Variants in MAST4 observed in about 807,000 individuals in gnomAD.
MAST4 encodes microtubule associated serine/threonine kinase family member 4.
MAST4 carries 89 observed loss-of-function variants against 162.7 expected under a neutral mutation model. That is an observed-to-expected ratio of 0.55 (90% confidence interval 0.46 to 0.65). The LOEUF is 0.65. Among genes scored for constraint, MAST4 ranks in the 30% least tolerant of loss-of-function variants. MAST4 has a pLI of 0.00. For synonymous variants in MAST4, 1,479 were observed against 1,361.1 expected (o/e 1.09, Z -1.91); for missense variants, 3,153 against 3,374.0 (o/e 0.93, Z 1.62).
At chr5:66,735,583 C>G (rs1752107640) in intron 1 of MAST4, among the ~76,000 whole-genome samples, 1 of 152,144 alleles carries the variant, frequency 6.6e-6, no homozygotes, top group Non-Finnish European at 1.5e-5. Context: ...GAGCAAGATA[C>G]ACTTATCCTA....
intron 4 of MAST4, among the ~76,000 whole-genome samples, chr5:66,918,954 T>A (rs188016458): frequency 7.2e-5 from 11 of 152,146 alleles, no homozygotes; most frequent in African/African-American, 2.7e-4. Context: ...AATACAAAAA[T>A]TAGCTGGGCA....
intron 4 of MAST4, among the ~76,000 whole-genome samples, chr5:67,033,547 AT>A (rs1755643929): frequency 6.6e-6 from 1 of 152,168 alleles, no homozygotes; most frequent in African/African-American, 2.4e-5. Flanking sequence ...GAAGCAGCAG[AT>A]TCAGAAGTAG....
intron 1 of MAST4, among the ~76,000 whole-genome samples, chr5:66,671,077 G>T (rs1747581901): frequency 6.6e-6 from 1 of 152,108 alleles, no homozygotes; most frequent in South Asian, 2.1e-4. Context: ...CCATTTCATA[G>T]TCTTGTTCAC....
intron 1 of MAST4, among the ~76,000 whole-genome samples, chr5:66,728,044 A>G (rs1751628429): frequency 1.3e-5 from 2 of 152,178 alleles, no homozygotes; most frequent in Admixed American, 6.5e-5. Context: ...GGATAATACC[A>G]TATACTGGGT....
intron 3 of MAST4, among the ~76,000 whole-genome samples, chr5:66,802,116 C>T (rs1373825984): frequency 8.5e-5 from 13 of 152,100 alleles, no homozygotes; most frequent in Non-Finnish European, 1.6e-4. Flanking sequence ...GGTTTATGAT[C>T]CTTAAAAATA....
At chr5:66,674,401 T>C (rs972539420) in intron 1 of MAST4, among the ~76,000 whole-genome samples, 1 of 152,216 alleles carries the variant, frequency 6.6e-6, no homozygotes, top group African/African-American at 2.4e-5. Flanking sequence ...CAAGGATACA[T>C]GACTACTACT....
chr5:67,029,953 T>C (rs1211768863), intron 4 of MAST4, among the ~76,000 whole-genome samples: 2 of 152,126 alleles, frequency 1.3e-5, no homozygotes, highest in East Asian at 3.8e-4. Context: ...ATATTATTTT[T>C]ATACATTTGA....
intron 4 of MAST4, among the ~76,000 whole-genome samples, chr5:66,907,587 C>CGT (rs59273615): frequency 0.03 from 4,359 of 143,978 alleles, 79 homozygotes; most frequent in Non-Finnish European, 0.04. Context: ...TAGGTTGATG[C>CGT]GTGTGTGTGT....
At chr5:67,132,833 A>G (rs1195695060) in intron 16 of MAST4, among the ~76,000 whole-genome samples, 1 of 152,178 alleles carries the variant, frequency 6.6e-6, no homozygotes, top group Non-Finnish European at 1.5e-5. Flanking sequence ...AGAGAAAAAA[A>G]TTCATCTGCA....
At chr5:66,939,748 T>G (rs1472891022) in intron 4 of MAST4, among the ~76,000 whole-genome samples, 2 of 146,444 alleles carry the variant, frequency 1.4e-5, no homozygotes, top group African/African-American at 5.1e-5. Flanking sequence ...TGGGTTTTTG[T>G]TTTTTTTTTT....
chr5:66,815,002 A>G (rs1756650696), intron 3 of MAST4, among the ~76,000 whole-genome samples: 1 of 152,184 alleles, frequency 6.6e-6, no homozygotes, highest in South Asian at 2.1e-4. Context: ...AAAATGGTGC[A>G]TACTTGAGCT....
chr5:66,939,728 G>C (rs1743157826), intron 4 of MAST4, among the ~76,000 whole-genome samples: 1 of 151,586 alleles, frequency 6.6e-6, no homozygotes, highest in African/African-American at 2.4e-5. Flanking sequence ...AGATACCTCA[G>C]AGATATTGCT....
intron 4 of MAST4, among the ~76,000 whole-genome samples, chr5:66,934,228 A>ATTTTATT (rs2150082090): frequency 6.6e-6 from 1 of 151,892 alleles, no homozygotes; most frequent in African/African-American, 2.4e-5. Context: ...ATTTTATTTT[A>ATTTTATT]TTTTATTTTA....
chr5:66,800,373 C>G (rs1755858213), intron 3 of MAST4, among the ~76,000 whole-genome samples: 1 of 152,150 alleles, frequency 6.6e-6, no homozygotes, highest in Admixed American at 6.5e-5. Context: ...TAGCAATGAA[C>G]AAGATCATGT....
rs1236722411 is a variant in MAST4, at chr5:67,165,523, G to A, written c.6344G>A (p.Gly2115Asp). ...LSSFPSLQKD[G>D]AKEPERKEQP... The stretch of plus-strand genomic sequence containing the variant: ...AGTTTCCCATCTTTGCAGAAAGATG[G>A]TGCCAAGGAACCTGAAAGGAAGGAG... Residue 2115 changes from glycine to aspartate, a missense_variant, in exon 29 of 29, where the codon GGT (glycine) becomes GAT (aspartate). Gly to Asp is a moderately conservative substitution (Grantham distance 94, BLOSUM62 -1). Around this residue, in one of 7 missense-constraint regions of MAST4, gnomAD observed 1,644 missense variants for 1,495.0 expected, o/e 1.10. Coordinates refer to ENST00000403625, the MANE Select transcript of MAST4 (RefSeq NM_001164664.2). 5 of 1,613,862 alleles carry A rather than the reference G, an allele frequency of 3.1e-6. No homozygotes were observed. The highest frequency in any genetic ancestry group is 2.2e-5 in the East Asian group (1 of 44,882).
At chr5:67,102,989 G>C (rs1452976798) in intron 9 of MAST4, among the ~76,000 whole-genome samples, 2 of 152,194 alleles carry the variant, frequency 1.3e-5, no homozygotes, top group African/African-American at 4.8e-5. Context: ...TCCGTTAGAA[G>C]CCTGTAGATT....
intron 3 of MAST4, among the ~76,000 whole-genome samples, chr5:66,802,862 G>A (rs1272774203): frequency 6.6e-6 from 1 of 152,138 alleles, no homozygotes; most frequent in Non-Finnish European, 1.5e-5. Context: ...TGACCACTGT[G>A]TAATTCTGCT....
At chr5:67,073,167 A>G (rs1761180312) in intron 5 of MAST4, among the ~76,000 whole-genome samples, 1 of 152,196 alleles carries the variant, frequency 6.6e-6, no homozygotes, top group Admixed American at 6.5e-5. Context: ...ATACCCTAGA[A>G]GAACACCCAG....
At chr5:66,678,634 A>G (rs1748115731) in intron 1 of MAST4, among the ~76,000 whole-genome samples, 1 of 151,304 alleles carries the variant, frequency 6.6e-6, no homozygotes, top group Non-Finnish European at 1.5e-5. Flanking sequence ...AGCTGGGACT[A>G]CCGGTGCACG....
Sources: gnomAD v4.1 joint callset for allele counts (sites outside exome capture counted in the v4.1 genomes callset) on GRCh38, gnomAD v4.1.1 for gene constraint, gnomAD v4.1.1 regional missense constraint, MANE v1.5 for transcripts, NCBI Gene and HGNC (gene_info 2026-07-23, HGNC 2026-07-21) for gene names.